Variants in ITGA8 observed in about 807,000 individuals in gnomAD.
The protein encoded by ITGA8 is integrin subunit alpha 8.
ITGA8 carries 91 observed loss-of-function variants against 142.3 expected under a neutral mutation model. That is an observed-to-expected ratio of 0.64 (90% CI 0.54 to 0.76). The LOEUF (loss-of-function observed/expected upper bound fraction) is 0.76, where lower values mean the gene tolerates loss of function less well. ITGA8 is among the 30% of genes least tolerant of loss of function. ITGA8 has a pLI of 0.00. For missense variants in ITGA8, 1,406 were observed against 1,327.7 expected (o/e 1.06, Z -0.92); for synonymous variants, 505 against 485.2 (o/e 1.04, Z -0.54).
chr10:15,585,511 T>C (rs1440359640), intron 23 of ITGA8, among the ~76,000 whole-genome samples: 1 of 152,206 alleles, frequency 6.6e-6, no homozygotes, highest in Non-Finnish European at 1.5e-5. Context: ...AAATACCAGC[T>C]GTCATCATCG....
chr10:15,605,301 G>A (rs950452496), intron 19 of ITGA8, among the ~76,000 whole-genome samples: 3 of 152,110 alleles, frequency 2.0e-5, no homozygotes, highest in Non-Finnish European at 4.4e-5. Flanking sequence ...TATTCAATAA[G>A]TTAAAATTAA....
intron 25 of ITGA8, among the ~76,000 whole-genome samples, chr10:15,558,668 A>T (rs1833924902): frequency 6.6e-6 from 1 of 152,044 alleles, no homozygotes; most frequent in African/African-American, 2.4e-5. Flanking sequence ...GTGGTCAAAG[A>T]CCCCACATCC....
At chr10:15,579,207 G>A (rs45494194) in intron 23 of ITGA8, among the ~76,000 whole-genome samples, 9 of 152,060 alleles carry the variant, frequency 5.9e-5, no homozygotes, top group Non-Finnish European at 8.8e-5. Context: ...GGCTAAAAAG[G>A]ATTTTAGCAC....
chr10:15,685,044 C>G (rs1013018476), intron 3 of ITGA8, among the ~76,000 whole-genome samples: 1 of 152,070 alleles, frequency 6.6e-6, no homozygotes, highest in South Asian at 2.1e-4. Flanking sequence ...TTATTCATGG[C>G]AAAACTGAAA....
At chr10:15,672,048 C>A (rs1834533106) in intron 7 of ITGA8, among the ~76,000 whole-genome samples, 1 of 152,132 alleles carries the variant, frequency 6.6e-6, no homozygotes, top group Admixed American at 6.6e-5. Context: ...TCAGGTTTTG[C>A]TATTTCTGGT....
At chr10:15,555,765 G>C (rs555928957) in intron 26 of ITGA8, among the ~76,000 whole-genome samples, 2 of 151,670 alleles carry the variant, frequency 1.3e-5, no homozygotes, top group South Asian at 2.1e-4. Flanking sequence ...GCGCGATCTC[G>C]GCTCACTGCA....
intron 20 of ITGA8, among the ~76,000 whole-genome samples, chr10:15,603,150 A>G (rs1417282638): frequency 1.3e-5 from 2 of 152,128 alleles, no homozygotes; most frequent in Non-Finnish European, 2.9e-5. Context: ...TACTAAGAAG[A>G]TCGTTCAACT....
At chr10:15,577,465 A>G (rs930131322) in intron 23 of ITGA8, among the ~76,000 whole-genome samples, 1 of 152,188 alleles carries the variant, frequency 6.6e-6, no homozygotes, top group South Asian at 2.1e-4. Context: ...CCTAAGCTGC[A>G]GTGGTATTTA....
At chr10:15,685,497 G>A (rs948858225) in intron 3 of ITGA8, among the ~76,000 whole-genome samples, 3 of 152,198 alleles carry the variant, frequency 2.0e-5, no homozygotes, top group Admixed American at 6.5e-5. Flanking sequence ...TGTATAACAT[G>A]TTGAATTAAA....
intron 3 of ITGA8, among the ~76,000 whole-genome samples, chr10:15,687,064 A>T (rs1339538936): frequency 6.6e-6 from 1 of 152,140 alleles, no homozygotes; most frequent in Non-Finnish European, 1.5e-5. Context: ...TGCAAAGACA[A>T]CTCTACAAAA....
At chr10:15,649,068 A>T (rs1281302282) in intron 11 of ITGA8, among the ~76,000 whole-genome samples, 2 of 152,124 alleles carry the variant, frequency 1.3e-5, no homozygotes, top group East Asian at 1.9e-4. Flanking sequence ...TGGGATCCCA[A>T]GGTGGGCTCT....
chr10:15,548,293 A>C (rs1487449161), intron 27 of ITGA8, among the ~76,000 whole-genome samples, 162 bp downstream of exon 27: 1 of 152,062 alleles, frequency 6.6e-6, no homozygotes, highest in Non-Finnish European at 1.5e-5. Context: ...GTTTTTTACC[A>C]TGTAGGCCAG....
At chr10:15,644,714 C>T (rs1429863870) in intron 12 of ITGA8, among the ~76,000 whole-genome samples, 1 of 151,010 alleles carries the variant, frequency 6.6e-6, no homozygotes, top group Non-Finnish European at 1.5e-5. Context: ...CTCTAAAGGG[C>T]TTATAATGTT....
chr10:15,592,447 A>G (rs1832943249), intron 21 of ITGA8, 143 bp from the exon 22 acceptor site: 2 of 647,532 alleles, frequency 3.1e-6, no homozygotes, highest in Non-Finnish European at 5.3e-6. Context: ...GAGAGCCAAG[A>G]GAAGTCATGC....
intron 28 of ITGA8, among the ~76,000 whole-genome samples, chr10:15,522,986 C>T (rs894239322): frequency 9.2e-5 from 14 of 151,700 alleles, no homozygotes; most frequent in South Asian, 2.1e-4. Flanking sequence ...CACTGCACTC[C>T]GTCTGGTTGA....
chr10:15,517,375 A>G, intron 29 of ITGA8, 131 bp from the exon 30 acceptor site: 1 of 525,994 alleles, frequency 1.9e-6, no homozygotes, highest in Non-Finnish European at 3.3e-6. Flanking sequence ...CCCAGGCTGG[A>G]GTACAGTGGC....
chr10:15,636,018 G>A (rs1043099616), intron 13 of ITGA8, among the ~76,000 whole-genome samples: 2 of 151,208 alleles, frequency 1.3e-5, no homozygotes, highest in African/African-American at 4.9e-5. Context: ...GTCTGAAATG[G>A]CTTCATGATA....
At chr10:15,570,566 C>T (rs943220774) in intron 25 of ITGA8, among the ~76,000 whole-genome samples, 11 of 143,014 alleles carry the variant, frequency 7.7e-5, no homozygotes, top group African/African-American at 1.0e-4. Flanking sequence ...GCCGAGATGG[C>T]GCCATTGCAC....
chr10:15,592,109 G>T, intron 22 of ITGA8, 116 bp downstream of exon 22: 1 of 606,426 alleles, frequency 1.6e-6, no homozygotes, highest in East Asian at 2.8e-5. Flanking sequence ...GTGAAAGTCT[G>T]GGTTCTAATT....
Sources: gnomAD v4.1 joint callset for allele counts (sites outside exome capture counted in the v4.1 genomes callset) on GRCh38, gnomAD v4.1.1 for gene constraint, MANE v1.5 for transcripts, NCBI Gene and HGNC (gene_info 2026-07-23, HGNC 2026-07-21) for gene names.